PIK3CB: variants seen among roughly 807,000 people sequenced by gnomAD.
PIK3CB encodes the protein phosphatidylinositol 4,5-bisphosphate 3-kinase catalytic subunit beta isoform.
Under a neutral mutation model 136.8 loss-of-function variants are expected in PIK3CB, and 39 were observed. The observed-to-expected ratio is 0.29, with a 90% CI of 0.22 to 0.37. PIK3CB has a LOEUF of 0.37. PIK3CB is among the 10% of genes least tolerant of loss of function. The probability of loss-of-function intolerance (pLI) is 1.00; values close to 1 mark genes in which losing one functional copy is unlikely to be tolerated. For synonymous variants in PIK3CB, 428 were observed against 436.6 expected (o/e 0.98, Z 0.25); for missense variants, 868 against 1,275.4 (o/e 0.68, Z 4.87).
chr3:138,742,912 CTA>C (rs2045273175), intron 4 of PIK3CB, 131 bp from the exon 5 acceptor site: 2 of 535,316 alleles, frequency 3.7e-6, no homozygotes, highest in Admixed American at 3.6e-5. Flanking sequence ...GCAGATGAAA[CTA>C]GGGAGGAAAA....
intron 22 of PIK3CB, chr3:138,657,452 T>C (rs1406584194): frequency 2.4e-6 from 1 of 422,152 alleles, no homozygotes; most frequent in African/African-American, 2.1e-5. Flanking sequence ...AGGTAAAAGG[T>C]AGTATATTAT....
chr3:138,669,796 G>A (rs2043496225), intron 19 of PIK3CB, among the ~76,000 whole-genome samples: 1 of 152,082 alleles, frequency 6.6e-6, no homozygotes, highest in African/African-American at 2.4e-5. Flanking sequence ...ATGTACAGAA[G>A]GTACCTCAAG....
At chr3:138,822,493 G>C (rs931628890) in intron 1 of PIK3CB, among the ~76,000 whole-genome samples, 2 of 151,080 alleles carry the variant, frequency 1.3e-5, no homozygotes, top group South Asian at 2.1e-4. Flanking sequence ...CCAAGTTCAC[G>C]ACACTGTACT....
rs1489490754 is a variant in PIK3CB at position 138,755,876 on chromosome 3, A to G, written c.275T>C (p.Leu92Pro). 3 of 1,611,576 alleles carry G rather than the reference A, an allele frequency of 1.9e-6. No homozygotes were observed. The highest frequency in any genetic ancestry group is 3.3e-5 in the Admixed American group (2 of 59,992). ...ACAGAGTCTTCGTGTTTCATCTTCA[A>G]GCTCCTCATATACAGCAGTCTGATT... is the stretch of plus-strand genomic sequence containing the variant. ...CVNQTAVYEE[L>P]EDETRRLCDV... is the part of the protein sequence containing the mutation. The change falls in exon 4 of 24, where the codon CTT becomes CCT. Residue 92 changes from leucine to proline, a missense_variant. Leu to Pro is a moderately conservative substitution (Grantham distance 98). Coordinates refer to ENST00000674063, the MANE Select transcript of PIK3CB (RefSeq NM_006219.3).
At chr3:138,705,181 C>CAAAAAAAAAAAAAA (rs1277322816) in intron 11 of PIK3CB, among the ~76,000 whole-genome samples, 1 of 58,526 alleles carries the variant, frequency 1.7e-5, no homozygotes, top group African/African-American at 8.3e-5. Flanking sequence ...AAACAAAAAA[C>CAAAAAAAAAAAAAA]AAAACAAACA....
intron 2 of PIK3CB, among the ~76,000 whole-genome samples, chr3:138,761,073 G>A (rs1287392075): frequency 6.6e-6 from 1 of 152,102 alleles, no homozygotes; most frequent in Non-Finnish European, 1.5e-5. Context: ...GGTGAAAGGA[G>A]AAGAAACTTT....
intron 8 of PIK3CB, 82 bp downstream of exon 8, chr3:138,733,279 C>T (rs2045027889): frequency 1.7e-6 from 1 of 579,946 alleles, no homozygotes; most frequent in African/African-American, 1.9e-5. Context: ...AATTCAATCT[C>T]CAATGTGACA....
At chr3:138,764,034 T>C (rs188013549) in intron 2 of PIK3CB, among the ~76,000 whole-genome samples, 2,658 of 149,322 alleles carry the variant, frequency 0.018, 34 homozygotes, top group Middle Eastern at 0.035. Context: ...TCGCTTGAAC[T>C]CGGGAGGCGG....
intron 1 of PIK3CB, among the ~76,000 whole-genome samples, chr3:138,830,248 T>C (rs541084740): frequency 5.3e-5 from 8 of 152,172 alleles, no homozygotes; most frequent in African/African-American, 1.9e-4. Flanking sequence ...GTAAGCCAAA[T>C]TCTATAAATA....
intron 19 of PIK3CB, among the ~76,000 whole-genome samples, chr3:138,676,554 T>C (rs1264329204): frequency 1.3e-5 from 2 of 152,230 alleles, no homozygotes; most frequent in Non-Finnish European, 2.9e-5. Context: ...TATCTATGTA[T>C]AGTTTTATAG....
Position 138,759,324 on chromosome 3 carries a change from A to G in PIK3CB, c.20T>C (p.Met7Thr). 6.2e-7 allele frequency: 1 copy of G among 1,608,714 alleles called. No homozygotes were observed. The highest frequency in any genetic ancestry group is 8.5e-7 in the Non-Finnish European group (1 of 1,176,042). The stretch of plus-strand genomic sequence containing the variant: ...AAGGATGTCTGCCATAGCAGGAGGC[A>G]TTATGAAACTGAAGCACATTCATAA... Reference protein sequence around the residue: MCFSFIMPPAMADILDI... With the variant: MCFSFITPPAMADILDI... The change falls in exon 3 of 24, where the codon ATG becomes ACG. Residue 7 changes from methionine (M) to threonine (T), a missense_variant. Met to Thr is a moderately conservative substitution (Grantham distance 81, BLOSUM62 -1). Coordinates refer to ENST00000674063, the MANE Select transcript of PIK3CB (RefSeq NM_006219.3).
intron 21 of PIK3CB, 111 bp downstream of exon 21, chr3:138,663,795 G>T: frequency 9.6e-7 from 1 of 1,042,380 alleles, no homozygotes; most frequent in Non-Finnish European, 1.4e-6. Flanking sequence ...TAAAGACAAA[G>T]ATATGACACT....
chr3:138,672,783 G>A (rs1481463116), intron 19 of PIK3CB, among the ~76,000 whole-genome samples: 1 of 151,922 alleles, frequency 6.6e-6, no homozygotes, highest in African/African-American at 2.4e-5. Context: ...GTGGTGGTGG[G>A]TTCCTGTAAT....
intron 12 of PIK3CB, among the ~76,000 whole-genome samples, chr3:138,704,044 C>T (rs1256639611): frequency 6.6e-6 from 1 of 152,148 alleles, no homozygotes; most frequent in Non-Finnish European, 1.5e-5. Context: ...TTAAATATGG[C>T]AGAGCACTAA....
intron 2 of PIK3CB, among the ~76,000 whole-genome samples, chr3:138,781,800 G>A (rs1236056076): frequency 6.6e-6 from 1 of 152,112 alleles, no homozygotes; most frequent in African/African-American, 2.4e-5. Flanking sequence ...CACACTTAGG[G>A]TCCCAGCTAC....
intron 19 of PIK3CB, among the ~76,000 whole-genome samples, chr3:138,669,532 A>G (rs1261307234): frequency 1.3e-5 from 2 of 151,522 alleles, no homozygotes; most frequent in Non-Finnish European, 1.5e-5. Flanking sequence ...GTTGGGGTAG[A>G]GTGGGGGTGT....
intron 8 of PIK3CB, among the ~76,000 whole-genome samples, chr3:138,729,091 G>T: frequency 6.6e-6 from 1 of 151,994 alleles, no homozygotes; most frequent in Non-Finnish European, 1.5e-5. Context: ...GACCAGGCTG[G>T]CCAACATGGC....
chr3:138,688,846 A>G, intron 16 of PIK3CB, 29 bp downstream of exon 16: 1 of 1,446,720 alleles, frequency 6.9e-7, no homozygotes, highest in South Asian at 1.2e-5. Flanking sequence ...CAAAAAAAGA[A>G]AAAATGAATA....
At chr3:138,784,516 C>G (rs1204196830) in intron 2 of PIK3CB, among the ~76,000 whole-genome samples, 1 of 152,176 alleles carries the variant, frequency 6.6e-6, no homozygotes, top group Admixed American at 6.5e-5. Context: ...TCTCGGCTCA[C>G]TGCAACCTCC....
Sources: allele counts gnomAD v4.1 joint callset (sites outside exome capture counted in the v4.1 genomes callset), GRCh38; gene constraint gnomAD v4.1.1; transcripts MANE v1.5; gene names NCBI Gene and HGNC (gene_info 2026-07-23, HGNC 2026-07-21).